The following MAP1B variants were observed in gnomAD, a reference collection of about 807,000 sequenced individuals.
MAP1B encodes the protein microtubule associated protein 1B.
Under a neutral mutation model 176.1 loss-of-function variants are expected in MAP1B, and 12 were observed. The ratio of observed to expected loss-of-function variants is 0.07; its 90% CI spans 0.04 to 0.11. MAP1B has a LOEUF of 0.11. MAP1B is among the 10% of genes least tolerant of loss of function. MAP1B has a pLI of 1.00. For synonymous variants in MAP1B, 1,044 were observed against 1,135.0 expected, an observed-to-expected ratio of 0.92 and a Z score of 1.61; for missense variants, 2,523 against 2,990.5, an observed-to-expected ratio of 0.84 and a Z score of 3.65.
intron 2 of MAP1B, among the ~76,000 whole-genome samples, chr5:72,156,698 A>G (rs1245716603): frequency 6.6e-6 from 1 of 152,194 alleles, no homozygotes; most frequent in Non-Finnish European, 1.5e-5. Context: ...GCAAACCAGG[A>G]CTTGGTAAGA....
At chr5:72,180,176 T>C (rs1746736866) in intron 2 of MAP1B, among the ~76,000 whole-genome samples, 1 of 152,142 alleles carries the variant, frequency 6.6e-6, no homozygotes, top group Non-Finnish European at 1.5e-5. Context: ...GGGATTTCAT[T>C]ACCATCACTT....
chr5:72,134,662 C>A (rs1025133776), intron 2 of MAP1B, among the ~76,000 whole-genome samples: 3 of 151,990 alleles, frequency 2.0e-5, no homozygotes, highest in African/African-American at 7.2e-5. Flanking sequence ...TAGTGGCACT[C>A]TATCAATTAG....
chr5:72,146,961 CTTTTTTTTT>C (rs549281263), intron 2 of MAP1B, among the ~76,000 whole-genome samples: 1 of 134,920 alleles, frequency 7.4e-6, no homozygotes, highest in African/African-American at 2.7e-5. Flanking sequence ...TCCAAATCTT[CTTTTTTTTT>C]TTTTTTTTTG....
chr5:72,141,711 G>A (rs531977911), intron 2 of MAP1B, among the ~76,000 whole-genome samples: 1 of 152,258 alleles, frequency 6.6e-6, no homozygotes, highest in Non-Finnish European at 1.5e-5. Flanking sequence ...TTCCTTATAT[G>A]GAGAGGTTCT....
At chr5:72,121,883 G>A (rs535790815) in intron 2 of MAP1B, among the ~76,000 whole-genome samples, 108 of 152,210 alleles carry the variant, frequency 7.1e-4, no homozygotes, top group Non-Finnish European at 6.2e-4. Context: ...ATGTTCTAGC[G>A]GCATTCAAGG....
intron 2 of MAP1B, among the ~76,000 whole-genome samples, chr5:72,149,370 C>G (rs1002057701): frequency 3.3e-5 from 5 of 152,178 alleles, no homozygotes; most frequent in Non-Finnish European, 5.9e-5. Context: ...ACTAATTAAG[C>G]CTGTTTAAAC....
chr5:72,130,194 A>AAAC (rs1554051901), intron 2 of MAP1B, among the ~76,000 whole-genome samples: 1 of 151,022 alleles, frequency 6.6e-6, no homozygotes, highest in East Asian at 1.9e-4. Flanking sequence ...GAAAAAAAAA[A>AAAC]AATGAACAAA....
chr5:72,173,090 C>T (rs1365900016), intron 2 of MAP1B, among the ~76,000 whole-genome samples: 9 of 152,194 alleles, frequency 5.9e-5, no homozygotes, highest in Admixed American at 5.9e-4. Flanking sequence ...CCTTTGCCTC[C>T]TGTGTGCAAT....
At position 72,115,216 on chromosome 5, in the gene MAP1B, A is replaced by G. The variant is rs573515565; in HGVS notation, c.185-482A>G. 2.6e-5 allele frequency among the ~76,000 whole-genome samples: 4 copies of G among 152,202 alleles called. No individual in the cohort carries two copies. The South Asian group carries it at 8.3e-4, about 32-fold the overall frequency. On this transcript the variant is annotated intron_variant, in intron 1 of 6. Coordinates refer to ENST00000296755, the MANE Select transcript of MAP1B (RefSeq NM_005909.5). ...AATTACACATGTATACTACCAGAAC[A>G]TCATTTTAGAAACAAAGGCCCGTGC...
intron 2 of MAP1B, among the ~76,000 whole-genome samples, chr5:72,118,420 C>A (rs1745469432): frequency 6.6e-6 from 1 of 152,126 alleles, no homozygotes; most frequent in South Asian, 2.1e-4. Flanking sequence ...TTAAAAATAG[C>A]ACCTACAATA....
intron 2 of MAP1B, among the ~76,000 whole-genome samples, chr5:72,152,152 G>T (rs1423210324): frequency 2.0e-5 from 3 of 152,112 alleles, no homozygotes; most frequent in Admixed American, 2.0e-4. Flanking sequence ...TCTTTCTAAA[G>T]GTGCACACCA....
intron 2 of MAP1B, among the ~76,000 whole-genome samples, chr5:72,148,799 C>T (rs903495093): frequency 5.3e-5 from 8 of 152,350 alleles, no homozygotes; most frequent in African/African-American, 1.4e-4. Context: ...ACAAAGGGAG[C>T]AGCCACACTG....
At chr5:72,201,029 T>C (rs751583081) in intron 5 of MAP1B, among the ~76,000 whole-genome samples, 4 of 152,106 alleles carry the variant, frequency 2.6e-5, no homozygotes, top group African/African-American at 4.8e-5. Context: ...TCTTACCCCA[T>C]GGCCTCATTA....
chr5:72,193,291 G>A (rs1007817938), intron 4 of MAP1B: 3 of 428,450 alleles, frequency 7.0e-6, no homozygotes, highest in African/African-American at 4.2e-5. Context: ...CTGAAAGGAG[G>A]CCACAACAAG....
At position 72,194,906 on chromosome 5, in the gene MAP1B, C is replaced by T. The variant is rs571416359; in HGVS notation, c.1551C>T (p.Thr517=). The T allele has an allele frequency of 1.9e-6, 3 of 1,614,048 alleles. No homozygotes were observed. In the African/African-American group the frequency reaches 4.0e-5, roughly 22 times the overall value. ...HLDFLKQPLA[T]QKDLTGQVPT... ...ACTTTCTGAAGCAGCCACTGGCCAC[C>T]CAAAAGGATCTCACTGGCCAGGTGC... The change falls in exon 5 of 7, where the codon ACC becomes ACT. Residue 517 remains threonine (T), a synonymous_variant. Coordinates refer to ENST00000296755, the MANE Select transcript of MAP1B (RefSeq NM_005909.5). This position sits in a 1 kb window ranked among gnomAD's most constrained non-coding sequence, Gnocchi z 7.2.
In MAP1B at chr5:72,196,216, C is replaced by T. The variant is rs754651756; in HGVS notation, c.2861C>T (p.Pro954Leu). The change falls in exon 5 of 7, where the codon CCA (proline) becomes CTA (leucine). Residue 954 changes from proline to leucine, a missense_variant. Pro to Leu is a moderately conservative substitution (Grantham distance 98). This residue lies in a region of MAP1B where 1,925 missense variants were observed against 2,126.0 expected (regional missense o/e 0.91). Transcript: ENST00000296755. This position sits in a 1 kb window ranked among gnomAD's most constrained non-coding sequence, Gnocchi z 5.3. Reference sequence around the variant, plus strand: ...GCAGAAACTGAGGAGGCTGAGGAGCCAGAAGAGGATGGGGAGGAACACGTA... The same window carrying T: ...GCAGAAACTGAGGAGGCTGAGGAGCTAGAAGAGGATGGGGAGGAACACGTA... ...EKAETEEAEE[P>L]EEDGEEHVCV... 1 of 1,613,488 alleles carries T rather than the reference C, an allele frequency of 6.2e-7. No homozygotes were observed. The highest frequency in any genetic ancestry group is 1.1e-5 in the South Asian group (1 of 91,036).
rs1032087797 is a variant in MAP1B at position 72,190,206 on chromosome 5, GGTCAATGGGGAA to G, written c.510+3466_510+3477del. Among the ~76,000 whole-genome samples, 14 of 152,270 alleles carry G rather than the reference GGTCAATGGGGAA, an allele frequency of 9.2e-5. 1 individual carries two copies. The South Asian group carries it at 2.1e-3, about 23-fold the overall frequency. On this transcript the variant is annotated intron_variant, in intron 4 of 6. Coordinates refer to ENST00000296755, the MANE Select transcript of MAP1B (RefSeq NM_005909.5). ...TTGACCATCACCATACACCATTAAT[GGTCAATGGGGAA>G]GTCAATGGGGAAGAGATGCAGGCTT...
intron 1 of MAP1B, among the ~76,000 whole-genome samples, chr5:72,112,192 A>G (rs571224264): frequency 6.6e-5 from 10 of 152,368 alleles, no homozygotes; most frequent in South Asian, 6.2e-4. Context: ...CAGAGGGAGC[A>G]ACTAAAGCCC....
intron 4 of MAP1B, chr5:72,193,349 T>A (rs777493664): frequency 1.5e-4 from 57 of 380,074 alleles, no homozygotes; most frequent in South Asian, 4.0e-4. Flanking sequence ...GGCCTTTTTT[T>A]TTTTTTTTTT....
Sources: gnomAD v4.1 joint callset for allele counts (sites outside exome capture counted in the v4.1 genomes callset) on GRCh38, gnomAD v4.1.1 for gene constraint, gnomAD v4.1.1 regional missense constraint, Gnocchi (gnomAD v3.1) non-coding constraint, MANE v1.5 for transcripts, NCBI Gene and HGNC (gene_info 2026-07-23, HGNC 2026-07-21) for gene names.